Variants in ANKRD6 observed in about 807,000 individuals in gnomAD.
ANKRD6 encodes the protein ankyrin repeat domain 6, also known as ankyrin repeat domain-containing protein 6.
In ANKRD6, 56 loss-of-function variants were observed where a neutral mutation model predicts 82.3. That is an observed-to-expected ratio of 0.68 (90% CI 0.55 to 0.85). The LOEUF is 0.85. Ranked by LOEUF, ANKRD6 falls within the 40% of genes least tolerant of loss-of-function variation. The probability of loss-of-function intolerance (pLI) is 0.00; values close to 1 mark genes in which losing one functional copy is unlikely to be tolerated. For missense variants in ANKRD6, 852 were observed against 907.6 expected, an observed-to-expected ratio of 0.94 and a Z score of 0.79; for synonymous variants, 347 against 352.1, an observed-to-expected ratio of 0.99 and a Z score of 0.16.
chr6:89,491,908 G>C (rs185373195), intron 1 of ANKRD6, among the ~76,000 whole-genome samples: 1 of 152,174 alleles, frequency 6.6e-6, no homozygotes, highest in African/African-American at 2.4e-5. Context: ...GTCGTGCTGT[G>C]TTTCCTCCAG....
intron 1 of ANKRD6, among the ~76,000 whole-genome samples, chr6:89,529,733 G>A (rs900518702): frequency 1.3e-5 from 2 of 152,152 alleles, no homozygotes; most frequent in Admixed American, 1.3e-4. Context: ...CCATTGTATG[G>A]TTATCACTTG....
At chr6:89,441,618 T>TC (rs1771392203) in intron 1 of ANKRD6, among the ~76,000 whole-genome samples, 1 of 142,100 alleles carries the variant, frequency 7.0e-6, no homozygotes, top group African/African-American at 2.6e-5. Context: ...TTCTTTTCTT[T>TC]CCTTTTTTTT....
chr6:89,448,889 G>A (rs1489437397), intron 1 of ANKRD6, among the ~76,000 whole-genome samples: 1 of 151,634 alleles, frequency 6.6e-6, no homozygotes, highest in African/African-American at 2.4e-5. Context: ...AATTAGCCGG[G>A]CGTGTTGGCG....
At chr6:89,516,928 G>C (rs537693499) in intron 1 of ANKRD6, among the ~76,000 whole-genome samples, 1 of 152,176 alleles carries the variant, frequency 6.6e-6, no homozygotes, top group East Asian at 1.9e-4. Context: ...GAGTGCAGTG[G>C]CACAATCATA....
At chr6:89,576,301 C>T (rs528873712) in intron 2 of ANKRD6, among the ~76,000 whole-genome samples, 32 of 152,234 alleles carry the variant, frequency 2.1e-4, no homozygotes, top group African/African-American at 3.4e-4. Context: ...CCACCCTCCT[C>T]GGCCTCCCAA....
chr6:89,553,949 G>C (rs1054176993), intron 1 of ANKRD6, among the ~76,000 whole-genome samples: 2 of 152,172 alleles, frequency 1.3e-5, no homozygotes, highest in African/African-American at 4.8e-5. Flanking sequence ...GGACCCTTAG[G>C]TTACAAAGTA....
chr6:89,578,035 C>T lies in ANKRD6; in HGVS notation c.120+10939C>T, dbSNP rs1791534152. On this transcript the variant is annotated intron_variant, in intron 2 of 15. Coordinates refer to ENST00000339746, the MANE Select transcript of ANKRD6 (RefSeq NM_001242809.2). ...GCACAAACCCCAGGGCCTCAAAGAG[C>T]TTGTTCATAGAGGGTGAGCCCCCCA... Among the ~76,000 whole-genome samples the T allele has an allele frequency of 2.6e-5, 4 of 152,166 alleles. No individual in the cohort carries two copies. The South Asian group carries it at 8.3e-4, about 32-fold the overall frequency.
intron 1 of ANKRD6, chr6:89,483,386 G>C (rs1439223119): frequency 6.5e-6 from 1 of 152,694 alleles, no homozygotes; most frequent in Non-Finnish European, 1.5e-5. Context: ...GAATCTGCTG[G>C]GGTGGAGGAT....
chr6:89,598,169 A>G (rs906955108), intron 3 of ANKRD6: 9 of 985,330 alleles, frequency 9.1e-6, no homozygotes, highest in Admixed American at 6.1e-5. Flanking sequence ...TGGGATTATT[A>G]TGAATTTCAA....
intron 1 of ANKRD6, among the ~76,000 whole-genome samples, chr6:89,488,482 A>G (rs901675745): frequency 4.6e-5 from 7 of 152,270 alleles, no homozygotes; most frequent in Middle Eastern, 3.4e-3. Context: ...TGACAGTGCA[A>G]TTATGAGGGA....
intron 1 of ANKRD6, among the ~76,000 whole-genome samples, chr6:89,555,147 C>A (rs1241704048): frequency 2.1e-5 from 3 of 142,452 alleles, no homozygotes; most frequent in Non-Finnish European, 4.5e-5. Flanking sequence ...GGCTTAGCCT[C>A]CCTTGACAAG....
At chr6:89,491,537 A>C (rs1206605887) in intron 1 of ANKRD6, among the ~76,000 whole-genome samples, 1 of 152,070 alleles carries the variant, frequency 6.6e-6, no homozygotes, top group East Asian at 1.9e-4. Flanking sequence ...CTATTGCAAG[A>C]ACAAAAAGCC....
intron 4 of ANKRD6, 72 bp downstream of exon 4, chr6:89,603,199 C>T (rs1474699497): frequency 1.3e-5 from 18 of 1,399,032 alleles, no homozygotes; most frequent in East Asian, 1.0e-4. Flanking sequence ...TGGAGGAGCC[C>T]GCTCTGGAAA....
At chr6:89,481,021 G>A (rs1286665949) in intron 1 of ANKRD6, among the ~76,000 whole-genome samples, 1 of 151,498 alleles carries the variant, frequency 6.6e-6, no homozygotes, top group Admixed American at 6.6e-5. Context: ...AATGTAGAAA[G>A]TGTAAGTATC....
chr6:89,448,962 G>A (rs1192841477), intron 1 of ANKRD6, among the ~76,000 whole-genome samples: 4 of 149,954 alleles, frequency 2.7e-5, no homozygotes, highest in South Asian at 2.1e-4. Flanking sequence ...CCTGGGAGGC[G>A]GAGCTTGCAG....
At chr6:89,584,180 A>G (rs894399926) in intron 2 of ANKRD6, among the ~76,000 whole-genome samples, 2 of 152,182 alleles carry the variant, frequency 1.3e-5, no homozygotes, top group Non-Finnish European at 2.9e-5. Flanking sequence ...CCTTTCCTGA[A>G]CAAAATGCGT....
chr6:89,529,468 T>C (rs938276652), intron 1 of ANKRD6, among the ~76,000 whole-genome samples: 1 of 152,244 alleles, frequency 6.6e-6, no homozygotes, highest in Non-Finnish European at 1.5e-5. Context: ...ATGTTGTGTC[T>C]GGTTGATCTT....
chr6:89,536,601 A>G (rs1229950111), intron 1 of ANKRD6, among the ~76,000 whole-genome samples: 3 of 152,210 alleles, frequency 2.0e-5, no homozygotes, highest in Non-Finnish European at 4.4e-5. Flanking sequence ...TTCAGTAGGC[A>G]TTGTCTCCAA....
intron 12 of ANKRD6, 178 bp from the exon 13 acceptor site, chr6:89,624,361 T>C: frequency 1.3e-6 from 1 of 763,184 alleles, no homozygotes; most frequent in Non-Finnish European, 2.1e-6. Context: ...CTCTGAATTT[T>C]AGTGTCTGCT....
Sources: gnomAD v4.1 joint callset for allele counts (sites outside exome capture counted in the v4.1 genomes callset) on GRCh38, gnomAD v4.1.1 for gene constraint, MANE v1.5 for transcripts, NCBI Gene and HGNC (gene_info 2026-07-23, HGNC 2026-07-21) for gene names.